The following DMD variants were observed in gnomAD, a reference collection of about 807,000 sequenced individuals.
DMD encodes the protein dystrophin, also known as mutant dystrophin.
In DMD, 63 loss-of-function variants were observed where a neutral mutation model predicts 330.1. The observed-to-expected ratio is 0.19, with a 90% CI of 0.16 to 0.24. The LOEUF (loss-of-function observed/expected upper bound fraction) is 0.24. Among genes scored for constraint, DMD ranks in the 10% least tolerant of loss-of-function variants. The pLI, the probability that DMD is intolerant of heterozygous loss-of-function variation, is 1.00. For missense variants in DMD, 3,344 were observed against 2,684.1 expected (o/e 1.25, Z -5.43); for synonymous variants, 1,223 against 959.8 (o/e 1.27, Z -5.07).
chrX:31,685,559 T>C (rs559102991), intron 52 of DMD, among the ~76,000 whole-genome samples: 1 of 112,359 alleles, frequency 8.9e-6, no homozygotes, highest in East Asian at 2.8e-4. Context: ...ACATTTTACA[T>C]TTCTGTCTCT....
chrX:32,967,090 A>G (rs773089322), intron 2 of DMD, among the ~76,000 whole-genome samples: 2 of 111,972 alleles, frequency 1.8e-5, no homozygotes, highest in African/African-American at 6.5e-5. Context: ...ACTGAAAGGC[A>G]GTGCCTATTC....
intron 44 of DMD, among the ~76,000 whole-genome samples, chrX:32,072,883 G>C (rs1326689517): frequency 9.0e-6 from 1 of 110,519 alleles, no homozygotes. Flanking sequence ...TTTTTTTTTA[G>C]TGTTTAATAC....
chrX:31,223,119 C>A lies in DMD; in HGVS notation c.9289G>T (p.Asp3097Tyr). The change falls in exon 64 of 79, where the codon GAC (aspartate) becomes TAC (tyrosine). Residue 3097 changes from aspartate to tyrosine, a missense_variant and splice_region_variant. By Grantham distance (160) the Asp-to-Tyr change is radical (BLOSUM62 -3). Transcript: ENST00000357033. ...GCTGAGAATCTGACATTATTCAGGT[C>A]AGCTGAAAAGAGGGAAAACAAAGAG... ...KMTELYQSLA[D>Y]LNNVRFSAYR... The A allele has an allele frequency of 8.3e-7, 1 of 1,208,759 alleles. No homozygotes were observed. The highest frequency in any genetic ancestry group is 1.1e-6 in the Non-Finnish European group (1 of 892,927).
chrX:32,561,479 T>C (rs146178507), intron 16 of DMD, among the ~76,000 whole-genome samples: 206 of 111,747 alleles, frequency 1.8e-3, no homozygotes, highest in African/African-American at 6.6e-3. Context: ...TAAAAATGAA[T>C]GTACAAAACG....
chrX:33,207,254 G>T (rs764803887), intron 1 of DMD, among the ~76,000 whole-genome samples: 1 of 111,289 alleles, frequency 9.0e-6, no homozygotes, highest in Non-Finnish European at 1.9e-5. Context: ...AAACAGAAAG[G>T]CTATGCCCTG....
intron 60 of DMD, among the ~76,000 whole-genome samples, chrX:31,391,359 G>A (rs929729360): frequency 5.5e-5 from 6 of 109,752 alleles, no homozygotes; most frequent in South Asian, 4.0e-4. Flanking sequence ...CGCCCGCCTC[G>A]GGGTCCCAAA....
chrX:31,384,129 T>C (rs1317760764), intron 60 of DMD, among the ~76,000 whole-genome samples: 2 of 111,355 alleles, frequency 1.8e-5, no homozygotes, highest in African/African-American at 6.5e-5. Context: ...ACACAGAGTT[T>C]TGTTCCTGCT....
chrX:32,725,697 C>T (rs2066795817), intron 7 of DMD, among the ~76,000 whole-genome samples: 1 of 110,948 alleles, frequency 9.0e-6, no homozygotes, highest in Admixed American at 9.6e-5. Flanking sequence ...GAGTAGGGTA[C>T]TAGGGGGTGG....
rs748261524 is a variant in DMD at position 32,687,462 on chromosome X, A to G, written c.960+10408T>C. On this transcript the variant is annotated intron_variant, in intron 9 of 78. Transcript: ENST00000357033. ...TGGACCCCTGACTATGGAAGAAGTT[A>G]TACTATGTGACTTCCAAGACTAAGT... Among the ~76,000 whole-genome samples the G allele has an allele frequency of 3.0e-4, 34 of 111,898 alleles. 1 individual carries two copies. The South Asian group carries it at 0.013, about 42-fold the overall frequency.
intron 9 of DMD, among the ~76,000 whole-genome samples, chrX:32,684,927 G>C (rs2033155719): frequency 9.0e-6 from 1 of 111,319 alleles, no homozygotes; most frequent in South Asian, 3.7e-4. Flanking sequence ...TTTCCTTAGA[G>C]TCTTTCTTAA....
intron 44 of DMD, among the ~76,000 whole-genome samples, chrX:32,003,665 G>A (rs752603020): frequency 9.0e-6 from 1 of 111,289 alleles, no homozygotes; most frequent in East Asian, 2.8e-4. Context: ...CCTCACATTT[G>A]CCTTGAAGTT....
At chrX:33,186,370 T>C (rs1048432267) in intron 1 of DMD, among the ~76,000 whole-genome samples, 3 of 111,926 alleles carry the variant, frequency 2.7e-5, no homozygotes, top group Admixed American at 1.9e-4. Context: ...ATGATCTCTA[T>C]TGTCTTGGGA....
At chrX:31,255,233 T>G (rs1013419580) in intron 63 of DMD, among the ~76,000 whole-genome samples, 5 of 111,226 alleles carry the variant, frequency 4.5e-5, no homozygotes, top group African/African-American at 1.6e-4. Context: ...CAATATTATA[T>G]TAGTATTTCA....
chrX:32,491,951 G>A (rs1211241000), intron 19 of DMD, among the ~76,000 whole-genome samples: 1 of 111,506 alleles, frequency 9.0e-6, no homozygotes, highest in Admixed American at 9.5e-5. Context: ...TTAAAAATGG[G>A]CTTGGAAATT....
At chrX:32,524,094 G>A (rs932423521) in intron 17 of DMD, among the ~76,000 whole-genome samples, 119 of 109,016 alleles carry the variant, frequency 1.1e-3, no homozygotes, top group African/African-American at 2.9e-3. Flanking sequence ...CACCACGCCC[G>A]GCTAATTTTT....
intron 7 of DMD, among the ~76,000 whole-genome samples, chrX:32,792,386 G>A (rs1214682683): frequency 1.8e-5 from 2 of 110,891 alleles, no homozygotes. Flanking sequence ...ACACTATAAT[G>A]ATAATGAGGG....
chrX:31,313,234 G>A (rs2055682946), intron 62 of DMD, among the ~76,000 whole-genome samples: 1 of 109,276 alleles, frequency 9.2e-6, no homozygotes, highest in Non-Finnish European at 1.9e-5. Flanking sequence ...TTACATCAGG[G>A]CTGGCCAAGT....
intron 59 of DMD, among the ~76,000 whole-genome samples, chrX:31,470,206 G>C (rs1051399481): frequency 3.6e-5 from 4 of 111,390 alleles, no homozygotes; most frequent in Non-Finnish European, 5.6e-5. Flanking sequence ...ATCCAGTTTT[G>C]TTCCCTTGCT....
At chrX:33,051,646 A>ATTTT (rs754035822) in intron 1 of DMD, among the ~76,000 whole-genome samples, 19 of 71,926 alleles carry the variant, frequency 2.6e-4, no homozygotes, top group Admixed American at 2.4e-3. Flanking sequence ...ATTACGCTCT[A>ATTTT]TTTTTTTTTT....
Sources: allele counts gnomAD v4.1 joint callset (sites outside exome capture counted in the v4.1 genomes callset), GRCh38; gene constraint gnomAD v4.1.1; transcripts MANE v1.5; gene names NCBI Gene and HGNC (gene_info 2026-07-23, HGNC 2026-07-21).